The following MNAT1 variants were observed in gnomAD, a reference collection of about 807,000 sequenced individuals.
MNAT1 encodes MNAT1 component of CDK activating kinase.
Under a neutral mutation model 42.0 loss-of-function variants are expected in MNAT1, and 43 were observed. The ratio of observed to expected loss-of-function variants is 1.02; its 90% confidence interval spans 0.80 to 1.32. The LOEUF (loss-of-function observed/expected upper bound fraction) is 1.32, where lower values mean the gene tolerates loss of function less well. MNAT1 is among the 40% of genes most tolerant of loss of function. MNAT1 has a pLI of 0.00. For missense variants in MNAT1, 306 were observed against 350.4 expected, an observed-to-expected ratio of 0.87 and a Z score of 1.01; for synonymous variants, 118 against 120.0, an observed-to-expected ratio of 0.98 and a Z score of 0.11.
chr14:60,905,881 A>G (rs1339111537), intron 7 of MNAT1, among the ~76,000 whole-genome samples: 1 of 152,164 alleles, frequency 6.6e-6, no homozygotes, highest in South Asian at 2.1e-4. Context: ...AAACACCTTC[A>G]CAGACGCACC....
chr14:60,925,578 T>C (rs1387792732), intron 7 of MNAT1, among the ~76,000 whole-genome samples: 1 of 152,230 alleles, frequency 6.6e-6, no homozygotes, highest in African/African-American at 2.4e-5. Context: ...TTTGCTTGTT[T>C]TTATAACTTA....
chr14:60,800,915 A>T (rs1050366051), intron 3 of MNAT1, among the ~76,000 whole-genome samples: 2 of 152,162 alleles, frequency 1.3e-5, no homozygotes, highest in African/African-American at 4.8e-5. Context: ...TGCTTTATGG[A>T]TGGGGATATG....
At chr14:60,910,558 G>T (rs143107349) in intron 7 of MNAT1, among the ~76,000 whole-genome samples, 287 of 152,322 alleles carry the variant, frequency 1.9e-3, no homozygotes, top group African/African-American at 6.7e-3. Context: ...TTTGTCAAAA[G>T]CCTTTTCTGC....
intron 6 of MNAT1, among the ~76,000 whole-genome samples, chr14:60,835,716 G>T (rs1474625390): frequency 1.3e-5 from 2 of 152,108 alleles, no homozygotes; most frequent in Non-Finnish European, 2.9e-5. Context: ...GTGTTTTGGG[G>T]TTGCTCTTTT....
At position 60,873,237 on chromosome 14, in the gene MNAT1, C is replaced by T. The variant is rs546879427; in HGVS notation, c.688-6477C>T. On this transcript the variant is annotated intron_variant, in intron 6 of 7. Transcript: ENST00000261245. ...TGTCATCTTTATTGTTGTTGTTTCTCGTGACATTGACCTACTGAAGAAACC... is the reference window on the plus strand; with the variant it reads ...TGTCATCTTTATTGTTGTTGTTTCTTGTGACATTGACCTACTGAAGAAACC... 2.9e-4 allele frequency among the ~76,000 whole-genome samples: 44 copies of T among 151,854 alleles called. 1 individual carries two copies. Among genetic ancestry groups the T allele is most frequent in the South Asian group, 6.3e-4 (3 of 4,798 alleles).
rs957481503 is a variant in MNAT1, at chr14:60,818,705, T to C, written c.562-17T>C. ...TCCCTTTTTACATTTCTTATTGAAC[T>C]TGAACTATTCTTACAGGAGAGTTCT... On this transcript the variant is annotated splice_polypyrimidine_tract_variant and intron_variant, in intron 5 of 7. Coordinates refer to ENST00000261245, the MANE Select transcript of MNAT1 (RefSeq NM_002431.4). 2 of 1,546,118 alleles carry C rather than the reference T, an allele frequency of 1.3e-6. No individual in the cohort carries two copies. The highest frequency in any genetic ancestry group is 1.7e-6 in the Non-Finnish European group (2 of 1,144,584).
chr14:60,910,567 G>T (rs1037206599), intron 7 of MNAT1, among the ~76,000 whole-genome samples: 15 of 152,166 alleles, frequency 9.9e-5, no homozygotes, highest in Non-Finnish European at 4.4e-5. Flanking sequence ...AGCCTTTTCT[G>T]CATCTATTGA....
chr14:60,846,875 A>C (rs1388982527), intron 6 of MNAT1, among the ~76,000 whole-genome samples: 2 of 152,160 alleles, frequency 1.3e-5, no homozygotes, highest in Non-Finnish European at 2.9e-5. Flanking sequence ...GTTATGTTGA[A>C]GTCTTCTGTG....
intron 7 of MNAT1, among the ~76,000 whole-genome samples, chr14:60,884,315 A>C (rs2034614106): frequency 6.6e-6 from 1 of 151,942 alleles, no homozygotes; most frequent in African/African-American, 2.4e-5. Flanking sequence ...GCATCAGTTG[A>C]AGTGATCATA....
intron 7 of MNAT1, among the ~76,000 whole-genome samples, chr14:60,944,868 A>G (rs554128263): frequency 1.3e-5 from 2 of 152,332 alleles, no homozygotes; most frequent in South Asian, 4.1e-4. Flanking sequence ...TAGATGTACA[A>G]ATAATGAGAG....
chr14:60,968,101 A>G, intron 7 of MNAT1, 128 bp from the exon 8 acceptor site: 1 of 660,068 alleles, frequency 1.5e-6, no homozygotes, highest in Non-Finnish European at 2.5e-6. Flanking sequence ...TATTTATAAT[A>G]AAAGTCTGAA....
At chr14:60,790,176 G>A (rs140690150) in intron 1 of MNAT1, among the ~76,000 whole-genome samples, 114 of 152,200 alleles carry the variant, frequency 7.5e-4, no homozygotes, top group South Asian at 7.3e-3. Flanking sequence ...TGTAAAAATT[G>A]TAAGAATAAG....
intron 7 of MNAT1, among the ~76,000 whole-genome samples, chr14:60,946,782 T>C (rs1310723395): frequency 6.6e-6 from 1 of 152,210 alleles, no homozygotes; most frequent in Non-Finnish European, 1.5e-5. Context: ...TAACATCAAA[T>C]GTTTGATTCT....
chr14:60,852,234 T>C (rs2033841518), intron 6 of MNAT1, among the ~76,000 whole-genome samples: 1 of 152,194 alleles, frequency 6.6e-6, no homozygotes, highest in South Asian at 2.1e-4. Flanking sequence ...TTCTCACTGG[T>C]GTGAGATGGT....
chr14:60,832,096 T>C (rs1393260053), intron 6 of MNAT1, among the ~76,000 whole-genome samples: 1 of 152,178 alleles, frequency 6.6e-6, no homozygotes, highest in Non-Finnish European at 1.5e-5. Flanking sequence ...GTCAGATAGA[T>C]AGATTGCAAA....
chr14:60,775,529 A>G (rs1444482350), intron 1 of MNAT1, among the ~76,000 whole-genome samples: 1 of 152,248 alleles, frequency 6.6e-6, no homozygotes, highest in Non-Finnish European at 1.5e-5. Flanking sequence ...TTGCATTCCA[A>G]TAAGAATGAT....
intron 1 of MNAT1, among the ~76,000 whole-genome samples, chr14:60,784,791 C>A (rs1158187654): frequency 6.6e-6 from 1 of 151,740 alleles, no homozygotes; most frequent in African/African-American, 2.4e-5. Flanking sequence ...CAGTTAGTTT[C>A]TGGAAAGTGT....
intron 7 of MNAT1, among the ~76,000 whole-genome samples, chr14:60,904,536 A>T (rs1205292644): frequency 6.6e-6 from 1 of 152,142 alleles, no homozygotes; most frequent in East Asian, 1.9e-4. Context: ...GCAGTTGTCA[A>T]ACAATCTTCT....
intron 1 of MNAT1, among the ~76,000 whole-genome samples, chr14:60,736,691 C>A (rs1320280273): frequency 6.6e-6 from 1 of 152,146 alleles, no homozygotes; most frequent in African/African-American, 2.4e-5. Context: ...ACATTCTTTA[C>A]TCTTACCGGC....
Sources: gnomAD v4.1 joint callset for allele counts (sites outside exome capture counted in the v4.1 genomes callset) on GRCh38, gnomAD v4.1.1 for gene constraint, MANE v1.5 for transcripts, NCBI Gene and HGNC (gene_info 2026-07-23, HGNC 2026-07-21) for gene names.